The following EIF3L variants were observed in gnomAD, a reference collection of about 807,000 sequenced individuals.
The protein encoded by EIF3L is eukaryotic translation initiation factor 3 subunit L.
In EIF3L, 32 loss-of-function variants were observed where a neutral mutation model predicts 74.6. The observed-to-expected ratio is 0.43, with a 90% CI of 0.32 to 0.58. The LOEUF is 0.58. Among genes scored for constraint, EIF3L ranks in the 20% least tolerant of loss-of-function variants. EIF3L has a pLI of 0.06. For synonymous variants in EIF3L, 256 were observed against 254.4 expected, an observed-to-expected ratio of 1.01 and a Z score of -0.06; for missense variants, 474 against 707.8, an observed-to-expected ratio of 0.67 and a Z score of 3.75.
intron 9 of EIF3L, among the ~76,000 whole-genome samples, chr22:37,874,917 T>G (rs1926664008): frequency 7.0e-6 from 1 of 143,470 alleles, no homozygotes; most frequent in African/African-American, 2.7e-5. Context: ...TTTTTTTTTT[T>G]GTATTTTAGT....
At chr22:37,870,694 T>G (rs1035285016) in intron 8 of EIF3L, among the ~76,000 whole-genome samples, 3 of 152,100 alleles carry the variant, frequency 2.0e-5, no homozygotes, top group Non-Finnish European at 4.4e-5. Context: ...ATGTATCTAT[T>G]TTAAAAAATT....
At chr22:37,873,570 G>T (rs1569119841) in intron 8 of EIF3L, among the ~76,000 whole-genome samples, 1 of 152,062 alleles carries the variant, frequency 6.6e-6, no homozygotes, top group Non-Finnish European at 1.5e-5. Flanking sequence ...TGGGATTACA[G>T]GCGTGAGCCA....
At chr22:37,862,272 C>T (rs1052182971) in intron 5 of EIF3L, among the ~76,000 whole-genome samples, 4 of 152,176 alleles carry the variant, frequency 2.6e-5, no homozygotes, top group Non-Finnish European at 4.4e-5. Flanking sequence ...ATCACAAATA[C>T]ATTGCTCATG....
chr22:37,866,122 A>G (rs1295994405), intron 7 of EIF3L, among the ~76,000 whole-genome samples: 1 of 152,208 alleles, frequency 6.6e-6, no homozygotes, highest in Admixed American at 6.6e-5. Context: ...TACTGTCTGG[A>G]AGGAAAGGCA....
At chr22:37,886,579 G>A (rs891555652) in intron 11 of EIF3L, 186 bp from the exon 12 acceptor site, 6 of 371,410 alleles carry the variant, frequency 1.6e-5, no homozygotes, top group African/African-American at 4.4e-5. Context: ...AAAAAAAAAA[G>A]AAAAGAAAAA....
Position 37,855,642 on chromosome 22 carries a change from A to G in EIF3L, c.371A>G (p.Asn124Ser), listed in dbSNP as rs201545819. 112 of 1,613,794 alleles carry G rather than the reference A, an allele frequency of 6.9e-5. No homozygotes were observed. Among genetic ancestry groups the G allele is most frequent in the African/African-American group, 1.6e-4 (12 of 74,920 alleles). The change falls in exon 4 of 13, where the codon AAT becomes AGT. Residue 124 changes from asparagine (N) to serine (S), a missense_variant and splice_region_variant. This residue lies in a region of EIF3L where 141 missense variants were observed against 197.7 expected (regional missense o/e 0.71). Coordinates refer to ENST00000652021, the MANE Select transcript of EIF3L (RefSeq NM_016091.4). The stretch of plus-strand genomic sequence containing the variant: ...GAAGCCATTGCTCCACAGGTTGGCA[A>G]TGGTAGGTGTGAGCTCTTTATATCT... ...EAEAIAPQVGNDAVFLILYKE... is the reference protein window; with the variant it reads ...EAEAIAPQVGSDAVFLILYKE...
At chr22:37,866,568 G>A (rs533410553) in intron 7 of EIF3L, among the ~76,000 whole-genome samples, 70 of 152,160 alleles carry the variant, frequency 4.6e-4, no homozygotes, top group Admixed American at 1.5e-3. Context: ...GGTGGATCAC[G>A]AGGTCAGGAG....
At chr22:37,862,179 A>G in intron 5 of EIF3L, among the ~76,000 whole-genome samples, 1 of 152,176 alleles carries the variant, frequency 6.6e-6, no homozygotes, top group South Asian at 2.1e-4. Flanking sequence ...TCTTTTGCCC[A>G]CATTTTACAG....
chr22:37,874,610 C>T (rs561770253), intron 9 of EIF3L, 86 bp downstream of exon 9: 2 of 1,441,914 alleles, frequency 1.4e-6, no homozygotes, highest in African/African-American at 1.4e-5. Flanking sequence ...GACAAATTTC[C>T]AGGAGAGGAA....
chr22:37,886,745 G>C lies in EIF3L; in HGVS notation c.1576-20G>C, dbSNP rs774483103. The C allele has an allele frequency of 2.5e-6, 4 of 1,602,306 alleles. No homozygotes were observed. The highest frequency in any genetic ancestry group is 1.3e-5 in the African/African-American group (1 of 74,544). ...CTCCTCCACCTGGCTGCTCTTCCCT[G>C]ACTGTGCTTTCCCCCACAGGACATG... On this transcript the variant is annotated intron_variant, in intron 11 of 12. Transcript: ENST00000652021.
At chr22:37,857,144 G>A (rs1202707718) in intron 4 of EIF3L, among the ~76,000 whole-genome samples, 2 of 151,858 alleles carry the variant, frequency 1.3e-5, no homozygotes, top group South Asian at 2.1e-4. Context: ...GACGGATCAC[G>A]AGGTCAGGAG....
rs2145851343 is a variant in EIF3L, at chr22:37,889,090, C to A, written c.*626C>A. 1 of 152,368 alleles carries A rather than the reference C, an allele frequency of 6.6e-6. No homozygotes were observed. Among genetic ancestry groups the A allele is most frequent in the South Asian group, 2.1e-4 (1 of 4,828 alleles). The allele number at this position is 152,368 out of a possible 1,614,324, so 9.4% of individuals were successfully genotyped here. A position where few individuals can be genotyped will look rare whatever the true frequency, so the allele number is the denominator to read the frequency against. On this transcript the variant is annotated 3_prime_UTR_variant, in exon 13 of 13. Transcript: ENST00000652021. ...TTTTAGACGGAGTCTCACTCTGTCGCCCAGGTTGGAGTGTACTGGCGCGAT... is the reference window on the plus strand; with the variant it reads ...TTTTAGACGGAGTCTCACTCTGTCGACCAGGTTGGAGTGTACTGGCGCGAT...
chr22:37,866,457 GT>G (rs138303784), intron 7 of EIF3L, among the ~76,000 whole-genome samples: 2 of 152,116 alleles, frequency 1.3e-5, no homozygotes, highest in African/African-American at 4.8e-5. Context: ...TGCTTTTTAA[GT>G]TTTTTTAAAT....
At chr22:37,877,552 G>A (rs1485085197) in intron 10 of EIF3L, 122 bp from the exon 11 acceptor site, 6 of 1,213,110 alleles carry the variant, frequency 4.9e-6, no homozygotes, top group East Asian at 2.4e-5. Flanking sequence ...AAGTTCAATG[G>A]CTGGTATGAA....
intron 10 of EIF3L, 66 bp from the exon 11 acceptor site, chr22:37,877,608 T>A: frequency 6.6e-7 from 1 of 1,523,388 alleles, no homozygotes; most frequent in Non-Finnish European, 8.8e-7. Context: ...GTGAGGCCAG[T>A]TGGCAGTGGG....
At chr22:37,875,573 C>T (rs555186922) in intron 9 of EIF3L, among the ~76,000 whole-genome samples, 16 of 152,248 alleles carry the variant, frequency 1.1e-4, no homozygotes, top group Middle Eastern at 6.8e-3. Context: ...GGAAAAATAA[C>T]AAAACTGAGA....
chr22:37,853,398 C>A (rs935452433), intron 3 of EIF3L, among the ~76,000 whole-genome samples: 1 of 152,176 alleles, frequency 6.6e-6, no homozygotes, highest in Admixed American at 6.6e-5. Flanking sequence ...AGGTGGGTGA[C>A]CTGAAAGGCA....
intron 8 of EIF3L, among the ~76,000 whole-genome samples, chr22:37,873,365 C>A (rs1307582026): frequency 2.0e-5 from 3 of 150,162 alleles, no homozygotes; most frequent in Non-Finnish European, 4.4e-5. Flanking sequence ...GTGGCGCAAT[C>A]TGGGCTCACT....
intron 10 of EIF3L, chr22:37,876,820 G>A (rs1466896490): frequency 1.3e-5 from 2 of 151,050 alleles, no homozygotes; most frequent in African/African-American, 4.9e-5. Context: ...GTGGGAAGGA[G>A]GATGGGTTCA....
Sources: allele counts gnomAD v4.1 joint callset (sites outside exome capture counted in the v4.1 genomes callset), GRCh38; gene constraint gnomAD v4.1.1; regional missense constraint gnomAD v4.1.1; transcripts MANE v1.5; gene names NCBI Gene and HGNC (gene_info 2026-07-23, HGNC 2026-07-21).